The following CAPN1 variants were observed in gnomAD, a reference collection of about 807,000 sequenced individuals.
The protein encoded by CAPN1 is calpain 1.
CAPN1 carries 77 observed loss-of-function variants against 105.2 expected under a neutral mutation model. That is an observed-to-expected ratio of 0.73 (90% CI 0.61 to 0.88). The LOEUF is 0.88. Ranked by LOEUF, CAPN1 falls within the 40% of genes least tolerant of loss-of-function variation. CAPN1 has a pLI of 0.00. For missense variants in CAPN1, 833 were observed against 976.6 expected, an observed-to-expected ratio of 0.85 and a Z score of 1.96; for synonymous variants, 355 against 388.8, an observed-to-expected ratio of 0.91 and a Z score of 1.02.
intron 4 of CAPN1, chr11:65,183,818 G>C (rs1416571358): frequency 3.6e-6 from 2 of 549,906 alleles, no homozygotes; most frequent in Non-Finnish European, 6.6e-6. Context: ...GGTGGAAAGT[G>C]CTTGAAAGAA....
intron 10 of CAPN1, among the ~76,000 whole-genome samples, chr11:65,197,208 A>C (rs1948803440): frequency 1.0e-5 from 1 of 96,250 alleles, no homozygotes; most frequent in Non-Finnish European, 2.6e-5. Context: ...TGTCTGCTTA[A>C]TCTATCAATT....
rs998064034 is a variant in CAPN1, at chr11:65,188,161, G to C, written c.929+121G>C. The stretch of plus-strand genomic sequence containing the variant: ...GGATTGAGCAGAGGGGCCCATCTTC[G>C]CGCGACTGGGTCTGGGGGACTGCTC... On this transcript the variant is annotated intron_variant, in intron 8 of 21. Transcript: ENST00000279247. This position sits in a 1 kb window ranked among gnomAD's most constrained non-coding sequence, Gnocchi z 5.5. The C allele has an allele frequency of 2.6e-6, 2 of 757,892 alleles. No individual in the cohort carries two copies. The highest frequency in any genetic ancestry group is 4.3e-6 in the Non-Finnish European group (2 of 465,628). The allele number at this position is 757,892 out of a possible 1,614,324, so 46.9% of individuals were successfully genotyped here. A position where few individuals can be genotyped will look rare whatever the true frequency, so the allele number is the denominator to read the frequency against.
intron 14 of CAPN1, among the ~76,000 whole-genome samples, chr11:65,207,248 G>A (rs375122431): frequency 4.2e-5 from 6 of 142,606 alleles, no homozygotes; most frequent in African/African-American, 1.1e-4. Context: ...CACCCAGGCT[G>A]GAGTGCAATG....
intron 10 of CAPN1, among the ~76,000 whole-genome samples, chr11:65,202,734 CA>C: frequency 6.6e-6 from 1 of 152,136 alleles, no homozygotes; most frequent in Non-Finnish European, 1.5e-5. Context: ...TGAGCCACTG[CA>C]CCTGGCCATA....
intron 10 of CAPN1, among the ~76,000 whole-genome samples, chr11:65,202,342 C>T (rs936406041): frequency 6.6e-6 from 1 of 152,152 alleles, no homozygotes; most frequent in South Asian, 2.1e-4. Flanking sequence ...AATTCACATA[C>T]CATACAAGTC....
chr11:65,195,224 C>G (rs901128158), intron 10 of CAPN1, among the ~76,000 whole-genome samples: 6 of 151,370 alleles, frequency 4.0e-5, no homozygotes, highest in African/African-American at 1.5e-4. Flanking sequence ...ATTCTCCTGC[C>G]TCAGCCTCCC....
chr11:65,210,793 C>T lies in CAPN1; in HGVS notation c.2060-21C>T. The T allele has an allele frequency of 6.2e-7, 1 of 1,607,470 alleles. No homozygotes were observed. Among genetic ancestry groups the T allele is most frequent in the Non-Finnish European group, 8.5e-7 (1 of 1,174,138 alleles). On this transcript the variant is annotated intron_variant, in intron 20 of 21. Transcript: ENST00000279247. This position sits in a 1 kb window ranked among gnomAD's most constrained non-coding sequence, Gnocchi z 4.3. ...TCCCACTGAGTTTTCAGCCCTGTAT[C>T]ACCTTTTCTTGAACACACAGGATTT...
Position 65,210,821 on chromosome 11 carries a change from C to G in CAPN1, c.2067C>G (p.Phe689Leu). 3.7e-6 allele frequency: 6 copies of G among 1,613,642 alleles called. No homozygotes were observed. The highest frequency in any genetic ancestry group is 5.1e-6 in the Non-Finnish European group (6 of 1,179,660). Residue 689 changes from phenylalanine (F) to leucine (L), a missense_variant, in exon 21 of 22, where the codon TTC becomes TTG. By Grantham distance (22) the Phe-to-Leu change is conservative. Transcript: ENST00000279247. This position sits in a 1 kb window ranked among gnomAD's most constrained non-coding sequence, Gnocchi z 4.3. ...CTTTTCTTGAACACACAGGATTTTT[C>G]AAAACTCTGGACACAGATCTGGATG... is the stretch of plus-strand genomic sequence containing the variant. The part of the protein sequence containing the change: ...LVRLETMFRF[F>L]KTLDTDLDGV...
chr11:65,184,482 C>T (rs1338312241), intron 4 of CAPN1, among the ~76,000 whole-genome samples: 2 of 151,794 alleles, frequency 1.3e-5, no homozygotes, highest in Non-Finnish European at 2.9e-5. Context: ...CACCCCGCCC[C>T]GCCCCCCGTT....
chr11:65,205,591 C>T (rs1948944606), intron 11 of CAPN1, 119 bp from the exon 12 acceptor site: 2 of 993,876 alleles, frequency 2.0e-6, no homozygotes, highest in Middle Eastern at 2.1e-4. Flanking sequence ...AGGGCCCTGC[C>T]TTCTGCCTCC....
chr11:65,192,679 G>A (rs191250997), intron 10 of CAPN1, among the ~76,000 whole-genome samples: 18 of 150,348 alleles, frequency 1.2e-4, no homozygotes, highest in Admixed American at 2.7e-4. Flanking sequence ...TTAGAGAGAG[G>A]TTACTCACTG....
At position 65,197,857 on chromosome 11, in the gene CAPN1, C is replaced by T. The variant is rs547198124; in HGVS notation, c.1166-6826C>T. ...GAGCCAAGATTGTGCCATTGCACTCCAGCCTGGGTGAAAAGAGCAAAACTC... is the reference window on the plus strand; with the variant it reads ...GAGCCAAGATTGTGCCATTGCACTCTAGCCTGGGTGAAAAGAGCAAAACTC... On this transcript the variant is annotated intron_variant, in intron 10 of 21. Transcript: ENST00000279247. 2.2e-5 allele frequency among the ~76,000 whole-genome samples: 3 copies of T among 133,660 alleles called. No homozygotes were observed. The South Asian group carries it at 7.1e-4, about 32-fold the overall frequency. 87.7% of individuals were successfully genotyped at this position (133,660 alleles called of 152,430 possible).
At position 65,210,381 on chromosome 11, in the gene CAPN1, A is replaced by C. The variant is rs751312619; in HGVS notation, c.1988A>C (p.Tyr663Ser). 1 of 1,613,302 alleles carries C rather than the reference A, an allele frequency of 6.2e-7. No individual in the cohort carries two copies. Among genetic ancestry groups the C allele is most frequent in the Non-Finnish European group, 8.5e-7 (1 of 1,179,738 alleles). Residue 663 changes from tyrosine to serine, a missense_variant, in exon 20 of 22, where the codon TAC becomes TCC. Transcript: ENST00000279247. This position sits in a 1 kb window ranked among gnomAD's most constrained non-coding sequence, Gnocchi z 4.3. ...CTGTACGAGCTCATCATCACCCGCT[A>C]CTCGGAGCCCGACCTGGCGGTCGAC... ...KKLYELIITR[Y>S]SEPDLAVDFD...
At chr11:65,191,662 C>T (rs539975490) in intron 10 of CAPN1, among the ~76,000 whole-genome samples, 39 of 152,192 alleles carry the variant, frequency 2.6e-4, no homozygotes, top group Non-Finnish European at 4.1e-4. Flanking sequence ...TACAGTGAGC[C>T]ACTGCGTCCA....
intron 10 of CAPN1, among the ~76,000 whole-genome samples, chr11:65,190,905 G>T (rs1948711327): frequency 6.6e-6 from 1 of 152,084 alleles, no homozygotes; most frequent in South Asian, 2.1e-4. Context: ...TAGAGACGGG[G>T]TTTCACCATG....
chr11:65,206,412 G>T, intron 12 of CAPN1, 51 bp from the exon 13 acceptor site: 1 of 1,474,426 alleles, frequency 6.8e-7, no homozygotes, highest in Non-Finnish European at 9.4e-7. Flanking sequence ...TGGCCCCTGA[G>T]GGTGGGCTGA....
chr11:65,187,565 G>C, intron 7 of CAPN1: 1 of 548,632 alleles, frequency 1.8e-6, no homozygotes, highest in African/African-American at 1.9e-5. Flanking sequence ...GCTTGGAGAG[G>C]ATGAGGGTAT....
At chr11:65,187,125 TG>T in intron 6 of CAPN1, 89 bp from the exon 7 acceptor site, 1 of 894,230 alleles carries the variant, frequency 1.1e-6, no homozygotes, top group Non-Finnish European at 1.8e-6. Context: ...TATGTGCAAG[TG>T]GGAACGTCCA....
chr11:65,201,094 A>ACCTG (rs1948862914), intron 10 of CAPN1, among the ~76,000 whole-genome samples: 1 of 150,382 alleles, frequency 6.6e-6, no homozygotes, highest in African/African-American at 2.4e-5. Flanking sequence ...ACAGGTGCCC[A>ACCTG]CCACCACGCC....
Sources: allele counts gnomAD v4.1 joint callset (sites outside exome capture counted in the v4.1 genomes callset), GRCh38; gene constraint gnomAD v4.1.1; non-coding constraint Gnocchi (gnomAD v3.1); transcripts MANE v1.5; gene names NCBI Gene and HGNC (gene_info 2026-07-23, HGNC 2026-07-21).